GPHN: variants seen among roughly 807,000 people sequenced by gnomAD.
GPHN encodes gephyrin.
In GPHN, 17 loss-of-function variants were observed where a neutral mutation model predicts 95.5. The ratio of observed to expected loss-of-function variants is 0.18; its 90% CI spans 0.12 to 0.27. The LOEUF (loss-of-function observed/expected upper bound fraction) is 0.27, where lower values mean the gene tolerates loss of function less well. GPHN is among the 10% of genes least tolerant of loss of function. GPHN has a pLI of 1.00. For synonymous variants in GPHN, 320 were observed against 322.5 expected (o/e 0.99, Z 0.08); for missense variants, 660 against 978.1 (o/e 0.67, Z 4.34).
chr14:67,655,920 T>C, the GPHN span, among the ~76,000 whole-genome samples: 2 of 152,108 alleles, frequency 1.3e-5, no homozygotes, highest in East Asian at 3.9e-4. Flanking sequence ...AAATTGCTTC[T>C]AAGGGACATC....
chr14:66,745,347 C>G (rs1272553555), intron 2 of GPHN, among the ~76,000 whole-genome samples: 2 of 151,962 alleles, frequency 1.3e-5, no homozygotes, highest in Non-Finnish European at 2.9e-5. Flanking sequence ...GACACTTTAC[C>G]CCTGAATACT....
the GPHN span, among the ~76,000 whole-genome samples, chr14:67,323,367 C>T: frequency 6.6e-6 from 1 of 151,570 alleles, no homozygotes; most frequent in East Asian, 1.9e-4. Flanking sequence ...AATCCCAGCA[C>T]TTTGGGAGAG....
intron 8 of GPHN, among the ~76,000 whole-genome samples, chr14:66,939,493 G>A (rs2067298615): frequency 6.6e-6 from 1 of 152,096 alleles, no homozygotes; most frequent in Non-Finnish European, 1.5e-5. Context: ...GGAACTCCTG[G>A]CAAAGCAAGA....
chr14:67,032,987 T>A (rs1483194309), intron 10 of GPHN, among the ~76,000 whole-genome samples: 2 of 151,982 alleles, frequency 1.3e-5, no homozygotes. Context: ...TTTAAAAAGG[T>A]CACTGATCTA....
At chr14:66,780,500 A>AT (rs1183697488) in intron 3 of GPHN, among the ~76,000 whole-genome samples, 4 of 150,798 alleles carry the variant, frequency 2.7e-5, no homozygotes, top group South Asian at 2.1e-4. Flanking sequence ...TTAAATAGTG[A>AT]TTTTTTTCCT....
At chr14:66,942,440 T>C (rs1567130988) in intron 8 of GPHN, among the ~76,000 whole-genome samples, 1 of 152,242 alleles carries the variant, frequency 6.6e-6, no homozygotes. Flanking sequence ...TGAGAGCACC[T>C]GTTAGAGTCC....
intron 1 of GPHN, among the ~76,000 whole-genome samples, chr14:66,531,030 A>C (rs2058910316): frequency 1.4e-5 from 2 of 140,846 alleles, no homozygotes; most frequent in South Asian, 2.2e-4. Flanking sequence ...ATCTCAGCTC[A>C]CTGCAGCCTC....
At chr14:66,546,432 G>T (rs898160334) in intron 1 of GPHN, among the ~76,000 whole-genome samples, 1 of 152,094 alleles carries the variant, frequency 6.6e-6, no homozygotes, top group African/African-American at 2.4e-5. Context: ...CTGGGAGGTG[G>T]AGGTTGTAGT....
At chr14:67,396,126 C>G in the GPHN span, among the ~76,000 whole-genome samples, 1 of 151,932 alleles carries the variant, frequency 6.6e-6, no homozygotes, top group Non-Finnish European at 1.5e-5. Flanking sequence ...ATCCAGGTCG[C>G]TTTGTTTTTT....
At chr14:67,709,670 A>T in the GPHN span, among the ~76,000 whole-genome samples, 2 of 152,156 alleles carry the variant, frequency 1.3e-5, no homozygotes, top group Non-Finnish European at 2.9e-5. Flanking sequence ...CCTGTGTTTC[A>T]GGAATACAGT....
intron 2 of GPHN, among the ~76,000 whole-genome samples, chr14:66,730,367 A>G (rs1298112473): frequency 6.6e-6 from 1 of 152,110 alleles, no homozygotes; most frequent in Non-Finnish European, 1.5e-5. Context: ...TTTACTCTTG[A>G]GTTTAATCGT....
At chr14:67,201,461 A>G in the GPHN span, 1 of 456,078 alleles carries the variant, frequency 2.2e-6, no homozygotes, top group East Asian at 6.9e-5. Flanking sequence ...ACATCTAAAC[A>G]GGACAATGAT....
chr14:66,741,341 A>G (rs752461468), intron 2 of GPHN, among the ~76,000 whole-genome samples: 1 of 152,216 alleles, frequency 6.6e-6, no homozygotes, highest in Non-Finnish European at 1.5e-5. Flanking sequence ...TTTGTGTGCT[A>G]CACGTTGCAC....
chr14:67,209,499 A>C, the GPHN span, among the ~76,000 whole-genome samples: 1 of 152,176 alleles, frequency 6.6e-6, no homozygotes, highest in African/African-American at 2.4e-5. Flanking sequence ...AAATACACTC[A>C]TATATGTATG....
At chr14:67,570,028 A>C in the GPHN span, 3 of 1,508,456 alleles carry the variant, frequency 2.0e-6, no homozygotes, top group African/African-American at 4.1e-5. Context: ...AAACTGCTGC[A>C]CAAAGAGGGG....
chr14:67,100,140 G>C (rs762296778), intron 12 of GPHN, among the ~76,000 whole-genome samples: 1 of 151,878 alleles, frequency 6.6e-6, no homozygotes, highest in African/African-American at 2.4e-5. Flanking sequence ...TACTGCCTAT[G>C]TATTCTAACT....
chr14:67,426,056 T>C, the GPHN span, among the ~76,000 whole-genome samples: 1 of 151,906 alleles, frequency 6.6e-6, no homozygotes, highest in Non-Finnish European at 1.5e-5. Flanking sequence ...ATGAAAAAAT[T>C]TAATAACCGG....
At chr14:67,147,910 A>G (rs1328506629) in intron 18 of GPHN, among the ~76,000 whole-genome samples, 1 of 152,148 alleles carries the variant, frequency 6.6e-6, no homozygotes. Flanking sequence ...TATTCCCAGC[A>G]TTTCTTTTTA....
In GPHN at chr14:67,181,455, T is replaced by C. The variant is rs1025623300; in HGVS notation, c.*518T>C. On this transcript the variant is annotated 3_prime_UTR_variant, in exon 23 of 23. Coordinates refer to ENST00000478722, the MANE Select transcript of GPHN (RefSeq NM_020806.5). ...AGACTGACTGGGTGGAGGCTCTGCC[T>C]TGCCTCAAGAACCATCCCCTGCAGA... The C allele has an allele frequency of 1.3e-5, 7 of 518,638 alleles. No individual in the cohort carries two copies. Among genetic ancestry groups the C allele is most frequent in the Non-Finnish European group, 2.6e-5 (7 of 266,046 alleles). The allele number at this position is 518,638 out of a possible 1,614,324, so 32.1% of individuals were successfully genotyped here. A position where few individuals can be genotyped will look rare whatever the true frequency, so the allele number is the denominator to read the frequency against.
Sources: allele counts gnomAD v4.1 joint callset (sites outside exome capture counted in the v4.1 genomes callset), GRCh38; gene constraint gnomAD v4.1.1; transcripts MANE v1.5; gene names NCBI Gene and HGNC (gene_info 2026-07-23, HGNC 2026-07-21).